Variants in RHEX observed in about 807,000 individuals in gnomAD.
RHEX encodes regulator of hemoglobinization and erythroid cell expansion protein.
Under a neutral mutation model 20.1 loss-of-function variants are expected in RHEX, and 18 were observed. That is an observed-to-expected ratio of 0.90 (90% CI 0.62 to 1.33). The LOEUF (loss-of-function observed/expected upper bound fraction) is 1.33. Ranked by LOEUF, RHEX falls within the 40% of genes most tolerant of loss-of-function variation. The probability of loss-of-function intolerance (pLI) is 0.00; values close to 1 mark genes in which losing one functional copy is unlikely to be tolerated. For synonymous variants in RHEX, 87 were observed against 77.1 expected, an observed-to-expected ratio of 1.13 and a Z score of -0.67; for missense variants, 192 against 214.3, an observed-to-expected ratio of 0.90 and a Z score of 0.65.
At position 206,071,180 on chromosome 1, in the gene RHEX, A is replaced by G. The variant is rs368037467; in HGVS notation, c.-97+17915A>G. On this transcript the variant is annotated intron_variant, in intron 1 of 5. Coordinates refer to ENST00000331555, the MANE Select transcript of RHEX (RefSeq NM_001007544.4). ...TGAGAGCCCCTGGCGCCCTACTGGT[A>G]TAAGTCCAAGAGTCCAAAAGCTGAA... Among the ~76,000 whole-genome samples the G allele has an allele frequency of 1.3e-4, 20 of 152,332 alleles. 1 individual carries two copies. In the South Asian group the frequency reaches 3.1e-3, roughly 24 times the overall value.
chr1:206,089,460 A>G (rs1662904984), intron 1 of RHEX, among the ~76,000 whole-genome samples: 1 of 152,230 alleles, frequency 6.6e-6, no homozygotes, highest in Non-Finnish European at 1.5e-5. Context: ...ATGTAATTTT[A>G]AACGGCCATA....
chr1:206,064,587 C>T (rs572918727), intron 1 of RHEX, among the ~76,000 whole-genome samples: 133 of 131,648 alleles, frequency 1.0e-3, no homozygotes, highest in African/African-American at 3.8e-3. Flanking sequence ...CGCCTCTGCC[C>T]GGCCGCCCCT....
intron 1 of RHEX, among the ~76,000 whole-genome samples, chr1:206,072,693 C>T (rs1327585084): frequency 1.3e-5 from 2 of 152,208 alleles, no homozygotes; most frequent in African/African-American, 4.8e-5. Flanking sequence ...TGAATTCCAG[C>T]ATGTCCCCTG....
At chr1:206,068,997 T>C (rs145972040) in intron 1 of RHEX, among the ~76,000 whole-genome samples, 246 of 152,346 alleles carry the variant, frequency 1.6e-3, no homozygotes, top group African/African-American at 5.1e-3. Flanking sequence ...TAGACTTTTA[T>C]GTGGCAAATG....
At chr1:206,083,942 C>T (rs1662787085) in intron 1 of RHEX, among the ~76,000 whole-genome samples, 1 of 152,196 alleles carries the variant, frequency 6.6e-6, no homozygotes, top group South Asian at 2.1e-4. Flanking sequence ...CAAATCCTCA[C>T]TCTGCTAAAC....
chr1:206,101,348 G>A, intron 5 of RHEX, 151 bp downstream of exon 5: 1 of 653,878 alleles, frequency 1.5e-6, no homozygotes, highest in South Asian at 1.9e-5. Context: ...GTGAGGGGGG[G>A]TCAGGCTTCC....
Position 206,067,728 on chromosome 1 carries a change from GAA to G in RHEX, c.-97+14466_-97+14467del, listed in dbSNP as rs1337689237. Among the ~76,000 whole-genome samples, 2 of 152,150 alleles carry G rather than the reference GAA, an allele frequency of 1.3e-5. No homozygotes were observed. Among genetic ancestry groups the G allele is most frequent in the Non-Finnish European group, 2.9e-5 (2 of 68,020 alleles). The stretch of plus-strand genomic sequence containing the variant: ...ACATACCCCCTCCAGTACAACCCTA[GAA>G]AACTTCCCTCCAGTCCCTGCCTCTT... On this transcript the variant is annotated intron_variant, in intron 1 of 5. Coordinates refer to ENST00000331555, the MANE Select transcript of RHEX (RefSeq NM_001007544.4). This position sits in a 1 kb window ranked among gnomAD's most constrained non-coding sequence, Gnocchi z 4.6.
chr1:206,098,336 C>T (rs782705842), intron 3 of RHEX, 155 bp downstream of exon 3: 9 of 615,962 alleles, frequency 1.5e-5, no homozygotes, highest in South Asian at 3.8e-5. Context: ...CCCCCTCCCC[C>T]CAATAACTGT....
At chr1:206,092,314 C>T (rs1553287134) in intron 1 of RHEX, among the ~76,000 whole-genome samples, 1 of 152,196 alleles carries the variant, frequency 6.6e-6, no homozygotes, top group Non-Finnish European at 1.5e-5. Flanking sequence ...TCACATAGCT[C>T]ATCTAATTTC....
At chr1:206,063,816 C>T (rs181430531) in intron 1 of RHEX, among the ~76,000 whole-genome samples, 138 of 152,114 alleles carry the variant, frequency 9.1e-4, no homozygotes, top group Non-Finnish European at 1.7e-3. Flanking sequence ...GCCGCCACCC[C>T]GTCTGGGAAG....
chr1:206,056,915 T>C (rs1662205611), intron 1 of RHEX, among the ~76,000 whole-genome samples: 1 of 152,270 alleles, frequency 6.6e-6, no homozygotes, highest in African/African-American at 2.4e-5. Flanking sequence ...AAAAAGATAG[T>C]GTTTGGTTCC....
At chr1:206,058,408 T>A (rs754468502) in intron 1 of RHEX, among the ~76,000 whole-genome samples, 2 of 152,248 alleles carry the variant, frequency 1.3e-5, no homozygotes, top group Admixed American at 6.5e-5. Flanking sequence ...TGATAAAAAG[T>A]GAGAGTCTCA....
rs570173821 is a variant in RHEX at position 206,064,979 on chromosome 1, C to G, written c.-97+11714C>G. 2.1e-3 allele frequency among the ~76,000 whole-genome samples: 323 copies of G among 152,192 alleles called. 4 individuals carry two copies. Among genetic ancestry groups the G allele is most frequent in the African/African-American group, 7.1e-3 (294 of 41,476 alleles). On this transcript the variant is annotated intron_variant, in intron 1 of 5. Transcript: ENST00000331555. ...ATCCTGTTGATCTGTGACCTTACCC[C>G]CAACCCTGTGCTCTCTGAAACATGT...
At chr1:206,077,320 G>A (rs1336527770) in intron 1 of RHEX, among the ~76,000 whole-genome samples, 3 of 152,148 alleles carry the variant, frequency 2.0e-5, no homozygotes, top group African/African-American at 7.2e-5. Context: ...TAAGTAAGCA[G>A]GAAGAAGTGT....
At chr1:206,072,638 T>C (rs1020399933) in intron 1 of RHEX, among the ~76,000 whole-genome samples, 31 of 152,288 alleles carry the variant, frequency 2.0e-4, no homozygotes, top group African/African-American at 6.3e-4. Flanking sequence ...CGTAATGTAC[T>C]CTGAAAATAT....
intron 1 of RHEX, chr1:206,080,412 G>T (rs1317189514): frequency 6.6e-6 from 1 of 152,164 alleles, no homozygotes; most frequent in African/African-American, 2.4e-5. Flanking sequence ...ACAGAGAGTA[G>T]CTGTGTTTTC....
In RHEX at chr1:206,099,682, C is replaced by A. The variant is rs782274022; in HGVS notation, c.140C>A (p.Ala47Glu). The change falls in exon 4 of 6, where the codon GCG becomes GAG. Residue 47 changes from alanine (A) to glutamate (E), a missense_variant. Ala to Glu is a moderately radical substitution (Grantham distance 107). Transcript: ENST00000331555. ...MAHKSEQILK[A>E]ASLQVPRPSP... ...CACAAGAGTGAACAGATACTGAAAG[C>A]GGCCAGTCTCCAGGTTCCCAGGCCC... The A allele has an allele frequency of 6.2e-7, 1 of 1,614,094 alleles. No homozygotes were observed. Among genetic ancestry groups the A allele is most frequent in the Non-Finnish European group, 8.5e-7 (1 of 1,179,982 alleles).
rs782012757 is a variant in RHEX, at chr1:206,097,779, G to C, written c.-50G>C. On this transcript the variant is annotated 5_prime_UTR_variant, in exon 2 of 6. Transcript: ENST00000331555. Reference sequence around the variant, plus strand: ...GCACTACTGAGAGACGAGGTGCCAGGGTGGTTCCTGAAAGTGCCTGAGCCC... The same window carrying C: ...GCACTACTGAGAGACGAGGTGCCAGCGTGGTTCCTGAAAGTGCCTGAGCCC... The C allele has an allele frequency of 6.2e-6, 10 of 1,614,014 alleles. No individual in the cohort carries two copies. Among genetic ancestry groups the C allele is most frequent in the Admixed American group, 1.7e-5 (1 of 60,000 alleles).
At chr1:206,090,695 T>G (rs1553286939) in intron 1 of RHEX, among the ~76,000 whole-genome samples, 1 of 152,116 alleles carries the variant, frequency 6.6e-6, no homozygotes, top group Admixed American at 6.5e-5. Flanking sequence ...ATAGCATCTT[T>G]TTATGAGTTT....
Sources: allele counts gnomAD v4.1 joint callset (sites outside exome capture counted in the v4.1 genomes callset), GRCh38; gene constraint gnomAD v4.1.1; non-coding constraint Gnocchi (gnomAD v3.1); transcripts MANE v1.5; gene names NCBI Gene and HGNC (gene_info 2026-07-23, HGNC 2026-07-21).